Variants in PATE1 observed in about 807,000 individuals in gnomAD.
The protein encoded by PATE1 is prostate and testis expressed 1, also known as prostate and testis expressed protein 1.
Under a neutral mutation model 13.1 loss-of-function variants are expected in PATE1, and 21 were observed. That is an observed-to-expected ratio of 1.61 (90% CI 1.14 to 2.31). The LOEUF (loss-of-function observed/expected upper bound fraction) is 2.31. Ranked by LOEUF, PATE1 falls within the 30% of genes most tolerant of loss-of-function variation. The probability of loss-of-function intolerance (pLI) is 0.00; values close to 1 mark genes in which losing one functional copy is unlikely to be tolerated. For missense variants in PATE1, 166 were observed against 147.2 expected (o/e 1.13, Z -0.66); for synonymous variants, 52 against 47.1 (o/e 1.10, Z -0.43).
chr11:125,748,529 G>C, intron 4 of PATE1, 71 bp from the exon 5 acceptor site: 1 of 1,541,454 alleles, frequency 6.5e-7, no homozygotes, highest in East Asian at 2.3e-5. Flanking sequence ...TGTTGGTGTG[G>C]TCTGGAGAAA....
rs772767788 is a variant in PATE1, at chr11:125,749,754, C to G, written c.*1021C>G. The G allele has an allele frequency of 3.3e-5, 5 of 152,002 alleles. No individual in the cohort carries two copies. The highest frequency in any genetic ancestry group is 5.9e-5 in the Non-Finnish European group (4 of 68,014). 9.4% of individuals were successfully genotyped at this position (152,002 alleles called of 1,614,324 possible). ...CCGAACCTGTTCACAAGGGTAGAGG[C>G]TGATTTCTAACGAAACTTGTAGAAT... On this transcript the variant is annotated 3_prime_UTR_variant, in exon 5 of 5. Coordinates refer to ENST00000305738, the MANE Select transcript of PATE1 (RefSeq NM_138294.3).
rs867512500 is a variant in PATE1, at chr11:125,747,892, A to G, written c.247+70A>G. On this transcript the variant is annotated intron_variant, in intron 4 of 4. Transcript: ENST00000305738. Reference sequence around the variant, plus strand: ...ACAGGGACGTATCAGCCACAGGGGAAAGGAGAGATCTTACTTTACTTTTAC... The same window carrying G: ...ACAGGGACGTATCAGCCACAGGGGAGAGGAGAGATCTTACTTTACTTTTAC... The G allele has an allele frequency of 4.8e-4, 762 of 1,596,846 alleles. 2 individuals carry two copies. The highest frequency in any genetic ancestry group is 2.0e-3 in the Middle Eastern group (12 of 6,012).
chr11:125,748,004 A>T (rs1943289081), intron 4 of PATE1, 182 bp downstream of exon 4: 1 of 884,940 alleles, frequency 1.1e-6, no homozygotes, highest in Non-Finnish European at 1.7e-6. Context: ...GTCACTAAGG[A>T]GGGTGGGGGC....
intron 2 of PATE1, among the ~76,000 whole-genome samples, 176 bp from the exon 3 acceptor site, chr11:125,747,200 G>C (rs978741964): frequency 3.9e-5 from 6 of 152,198 alleles, no homozygotes; most frequent in Admixed American, 6.5e-5. Context: ...TTTAGAAGGA[G>C]AGAAGAGGTG....
In PATE1 at chr11:125,749,509, A is replaced by C. The variant is rs918346282; in HGVS notation, c.*776A>C. On this transcript the variant is annotated 3_prime_UTR_variant, in exon 5 of 5. Transcript: ENST00000305738. ...TCCAGGAGACAGAGCCACCAGCAGC[A>C]AAACAAATATTCCCATGCCTGGAGC... 2 of 152,304 alleles carry C rather than the reference A, an allele frequency of 1.3e-5. No individual in the cohort carries two copies. The highest frequency in any genetic ancestry group is 1.5e-5 in the Non-Finnish European group (1 of 68,110). 9.4% of individuals were successfully genotyped at this position (152,304 alleles called of 1,614,324 possible).
chr11:125,749,858 T>C lies in PATE1; in HGVS notation c.*1125T>C, dbSNP rs1943314777. Reference sequence around the variant, plus strand: ...AATATAAAGAAAGCTACCTTTCTTCTATACCCAAATTGTGTGTCCTTCTTT... The same window carrying C: ...AATATAAAGAAAGCTACCTTTCTTCCATACCCAAATTGTGTGTCCTTCTTT... On this transcript the variant is annotated 3_prime_UTR_variant, in exon 5 of 5. Transcript: ENST00000305738. 6.6e-6 allele frequency: 1 copy of C among 151,992 alleles called. No individual in the cohort carries two copies. The highest frequency in any genetic ancestry group is 2.4e-5 in the African/African-American group (1 of 41,398). 9.4% of individuals were successfully genotyped at this position (151,992 alleles called of 1,614,324 possible).
At chr11:125,747,925 AGTCTCATACCTGGGATGGCTG>A (rs1943288173) in intron 4 of PATE1, 103 bp downstream of exon 4, 1 of 1,509,052 alleles carries the variant, frequency 6.6e-7, no homozygotes, top group African/African-American at 1.4e-5. Flanking sequence ...TACTATAGGC[AGTCTCATACCTGGGATGGCTG>A]ATTCCTTCAT....
At chr11:125,747,544 T>C in intron 3 of PATE1, 133 bp downstream of exon 3, 1 of 1,411,932 alleles carries the variant, frequency 7.1e-7, no homozygotes, top group Admixed American at 1.8e-5. Flanking sequence ...ATCACTCTCT[T>C]GGCTTAGTGT....
At chr11:125,747,447 C>T in intron 3 of PATE1, 36 bp downstream of exon 3, 1 of 1,583,226 alleles carries the variant, frequency 6.3e-7, no homozygotes. Context: ...TCACCTCAGT[C>T]TTGATAATGT....
intron 2 of PATE1, among the ~76,000 whole-genome samples, 179 bp downstream of exon 2, chr11:125,746,875 C>T (rs1324882010): frequency 6.6e-6 from 1 of 152,016 alleles, no homozygotes; most frequent in African/African-American, 2.4e-5. Flanking sequence ...TTAGGTTTGA[C>T]AAAATAACAT....
chr11:125,748,754 A>T lies in PATE1; in HGVS notation c.*21A>T. 1 of 1,606,702 alleles carries T rather than the reference A, an allele frequency of 6.2e-7. No homozygotes were observed. On this transcript the variant is annotated 3_prime_UTR_variant, in exon 5 of 5. Transcript: ENST00000305738. ...TTTAGAAGTTAATGGTTCTTCTGTG[A>T]CTCCAATTTCTGGGTGAGGTTGTTG... is the stretch of plus-strand genomic sequence containing the variant.
intron 4 of PATE1, 42 bp from the exon 5 acceptor site, chr11:125,748,558 T>C (rs1943301110): frequency 6.3e-7 from 1 of 1,598,134 alleles, no homozygotes. Context: ...AGCAGAACTT[T>C]CATGGCCAGG....
chr11:125,747,032 G>A (rs561798746), intron 2 of PATE1, among the ~76,000 whole-genome samples: 66 of 152,286 alleles, frequency 4.3e-4, no homozygotes, highest in Middle Eastern at 3.4e-3. Flanking sequence ...CCCATTGTCA[G>A]ATTCCAGGCA....
intron 4 of PATE1, 186 bp downstream of exon 4, chr11:125,748,008 TG>T: frequency 1.2e-6 from 1 of 850,360 alleles, no homozygotes; most frequent in Non-Finnish European, 1.8e-6. Context: ...CTAAGGAGGG[TG>T]GGGGCCTACA....
rs1053726131 is a variant in PATE1 at position 125,749,730 on chromosome 11, C to T, written c.*997C>T. ...TCCTGGAGAAAAATGGCAGTTTGAC[C>T]GAACCTGTTCACAAGGGTAGAGGCT... On this transcript the variant is annotated 3_prime_UTR_variant, in exon 5 of 5. Coordinates refer to ENST00000305738, the MANE Select transcript of PATE1 (RefSeq NM_138294.3). 1 of 151,882 alleles carries T rather than the reference C, an allele frequency of 6.6e-6. No individual in the cohort carries two copies. Among genetic ancestry groups the T allele is most frequent in the Non-Finnish European group, 1.5e-5 (1 of 68,002 alleles). 9.4% of individuals were successfully genotyped at this position (151,882 alleles called of 1,614,324 possible). A position where few individuals can be genotyped will look rare whatever the true frequency, so the allele number is the denominator to read the frequency against.
Position 125,749,304 on chromosome 11 carries a change from C to T in PATE1, c.*571C>T, listed in dbSNP as rs1355185973. The T allele has an allele frequency of 6.6e-6, 1 of 152,210 alleles. No individual in the cohort carries two copies. Among genetic ancestry groups the T allele is most frequent in the Non-Finnish European group, 1.5e-5 (1 of 68,082 alleles). 9.4% of individuals were successfully genotyped at this position (152,210 alleles called of 1,614,324 possible). On this transcript the variant is annotated 3_prime_UTR_variant, in exon 5 of 5. Coordinates refer to ENST00000305738, the MANE Select transcript of PATE1 (RefSeq NM_138294.3). ...TTGGGACATAGAAAGGAAACTGCAT[C>T]AGAAACATGAACAGAGAAAGATTGT...
intron 4 of PATE1, chr11:125,748,125 G>A: frequency 2.8e-6 from 1 of 362,538 alleles, no homozygotes; most frequent in Non-Finnish European, 5.1e-6. Flanking sequence ...GTGTTGTTGA[G>A]TTGTGGAGGG....
intron 4 of PATE1, 50 bp downstream of exon 4, chr11:125,747,872 G>C: frequency 6.2e-7 from 1 of 1,610,398 alleles, no homozygotes; most frequent in Admixed American, 1.7e-5. Flanking sequence ...CGTATACAGG[G>C]ACGTATCAGC....
intron 1 of PATE1, 77 bp from the exon 2 acceptor site, chr11:125,746,584 G>A: frequency 6.5e-7 from 1 of 1,547,378 alleles, no homozygotes; most frequent in East Asian, 2.3e-5. Context: ...GGAATTGAGT[G>A]GATGTTCATA....
Sources: gnomAD v4.1 joint callset for allele counts (sites outside exome capture counted in the v4.1 genomes callset) on GRCh38, gnomAD v4.1.1 for gene constraint, MANE v1.5 for transcripts, NCBI Gene and HGNC (gene_info 2026-07-23, HGNC 2026-07-21) for gene names.